The following C12orf54 variants were observed in gnomAD, a reference collection of about 807,000 sequenced individuals.
C12orf54 encodes the protein uncharacterized protein C12orf54.
A neutral mutation model predicts 26.4 loss-of-function variants in C12orf54; 24 were observed. That is an observed-to-expected ratio of 0.91 (90% CI 0.66 to 1.28). The LOEUF is 1.28. Among genes scored for constraint, C12orf54 ranks in the 50% most tolerant of loss-of-function variants. The pLI is 0.00. For missense variants in C12orf54, 154 were observed against 150.9 expected (o/e 1.02, Z -0.11); for synonymous variants, 54 against 47.0 (o/e 1.15, Z -0.61).
the C12orf54 span, among the ~76,000 whole-genome samples, chr12:48,450,648 A>G: frequency 5.3e-5 from 8 of 152,216 alleles, no homozygotes; most frequent in South Asian, 4.1e-4. Context: ...AGGGGATATT[A>G]CCACTGACCC....
the C12orf54 span, among the ~76,000 whole-genome samples, chr12:48,468,435 G>A: frequency 6.6e-6 from 1 of 152,154 alleles, no homozygotes; most frequent in Non-Finnish European, 1.5e-5. Context: ...ATGATGCAGA[G>A]GGAACACAGG....
the C12orf54 span, among the ~76,000 whole-genome samples, chr12:48,447,670 G>T: frequency 6.6e-6 from 1 of 151,972 alleles, no homozygotes. Context: ...TCTGCTACCC[G>T]TGGTAGCAGA....
chr12:48,418,900 A>G, the C12orf54 span, among the ~76,000 whole-genome samples: 5 of 150,604 alleles, frequency 3.3e-5, no homozygotes, highest in Non-Finnish European at 5.9e-5. Context: ...TGGTTGTAAG[A>G]AGGCACCTGC....
chr12:48,473,565 G>A, the C12orf54 span: 1 of 311,814 alleles, frequency 3.2e-6, no homozygotes. Context: ...ACTGGGGGTT[G>A]TGAGGGAAGG....
the C12orf54 span, among the ~76,000 whole-genome samples, chr12:48,416,389 G>C: frequency 1.3e-5 from 2 of 152,174 alleles, no homozygotes; most frequent in East Asian, 3.8e-4. Context: ...AGTTTCTTCT[G>C]TGCCAAAGCC....
chr12:48,483,471 C>G lies in C12orf54; in HGVS notation c.65+110C>G, dbSNP rs1264260328. On this transcript the variant is annotated intron_variant, in intron 2 of 8. Transcript: ENST00000548364. ...CTCTTCATTTGGCTTCACTTGCTTC[C>G]TGGCTGAATAAGATGGGGACTTTCA... 4 of 955,142 alleles carry G rather than the reference C, an allele frequency of 4.2e-6. No individual in the cohort carries two copies. The East Asian group carries it at 1.0e-4, about 24-fold the overall frequency. 59.2% of individuals were successfully genotyped at this position (955,142 alleles called of 1,614,324 possible).
At chr12:48,488,884 T>C (rs751228171) in intron 4 of C12orf54, 40 bp from the exon 5 acceptor site, 1 of 1,499,550 alleles carries the variant, frequency 6.7e-7, no homozygotes, top group Non-Finnish European at 9.3e-7. Context: ...AAAGTGATCA[T>C]CTACAATATT....
the C12orf54 span, among the ~76,000 whole-genome samples, chr12:48,414,710 G>A: frequency 1.3e-5 from 2 of 152,164 alleles, no homozygotes; most frequent in Admixed American, 6.5e-5. Flanking sequence ...TACTCATGGG[G>A]AAGGTAGTAT....
the C12orf54 span, among the ~76,000 whole-genome samples, chr12:48,424,403 T>C: frequency 6.6e-6 from 1 of 152,140 alleles, no homozygotes; most frequent in African/African-American, 2.4e-5. Flanking sequence ...ATTTGGTTTA[T>C]AATTAGTATT....
At chr12:48,422,669 A>G in the C12orf54 span, among the ~76,000 whole-genome samples, 1 of 152,320 alleles carries the variant, frequency 6.6e-6, no homozygotes, top group East Asian at 1.9e-4. Flanking sequence ...AAAAATTAAT[A>G]TTTCTTTGAA....
the C12orf54 span, among the ~76,000 whole-genome samples, chr12:48,456,017 C>T: frequency 0.011 from 1,646 of 152,262 alleles, 16 homozygotes; most frequent in Non-Finnish European, 0.015. Flanking sequence ...TATCTCATTT[C>T]TTCTCACAAA....
chr12:48,483,238 A>T lies in C12orf54; in HGVS notation c.-57-2A>T. 6.7e-7 allele frequency: 1 copy of T among 1,502,718 alleles called. No homozygotes were observed. The highest frequency in any genetic ancestry group is 9.2e-7 in the Non-Finnish European group (1 of 1,081,482). The allele number at this position is 1,502,718 out of a possible 1,614,324, so 93.1% of individuals were successfully genotyped here. A position where few individuals can be genotyped will look rare whatever the true frequency, so the allele number is the denominator to read the frequency against. On this transcript the variant is annotated splice_acceptor_variant, in intron 1 of 8. Coordinates refer to ENST00000548364, the MANE Select transcript of C12orf54 (RefSeq NM_152319.4). LOFTEE classifies it low-confidence loss of function (5UTR_SPLICE). ...TCCGCATATTCATTTATGCCTCTCC[A>T]GGGCCTGGAGCTATCTCCATCTTCA... is the stretch of plus-strand genomic sequence containing the variant.
At chr12:48,485,161 C>T (rs1592199383) in intron 2 of C12orf54, among the ~76,000 whole-genome samples, 1 of 152,250 alleles carries the variant, frequency 6.6e-6, no homozygotes, top group South Asian at 2.1e-4. Flanking sequence ...ACTGCAGCCT[C>T]GAACTCCTGG....
At chr12:48,466,138 T>TC in the C12orf54 span, among the ~76,000 whole-genome samples, 4 of 152,308 alleles carry the variant, frequency 2.6e-5, no homozygotes, top group South Asian at 8.3e-4. Context: ...ACATATATGA[T>TC]TAAGGAATTG....
the C12orf54 span, among the ~76,000 whole-genome samples, chr12:48,476,227 A>C: frequency 6.6e-6 from 1 of 152,204 alleles, no homozygotes. Context: ...GCCTGCCCTA[A>C]AAGAGCTCCT....
chr12:48,483,730 G>A (rs149526896), intron 2 of C12orf54, among the ~76,000 whole-genome samples: 160 of 152,290 alleles, frequency 1.1e-3, no homozygotes, highest in African/African-American at 3.7e-3. Context: ...GTGGAAAAGA[G>A]GGCTAGAATC....
At chr12:48,463,667 G>A in the C12orf54 span, among the ~76,000 whole-genome samples, 1 of 151,534 alleles carries the variant, frequency 6.6e-6, no homozygotes, top group African/African-American at 2.4e-5. Flanking sequence ...GAACATCAGT[G>A]CAAAAACTCT....
chr12:48,456,293 A>G, the C12orf54 span, among the ~76,000 whole-genome samples: 2 of 152,202 alleles, frequency 1.3e-5, no homozygotes, highest in Admixed American at 1.3e-4. Context: ...GTAATGCAGT[A>G]TAGTAAGTTA....
At chr12:48,422,576 G>C in the C12orf54 span, among the ~76,000 whole-genome samples, 5 of 152,016 alleles carry the variant, frequency 3.3e-5, no homozygotes, top group Non-Finnish European at 7.4e-5. Flanking sequence ...ACTAGAAATT[G>C]TTTGTCATAT....
Sources: allele counts gnomAD v4.1 joint callset (sites outside exome capture counted in the v4.1 genomes callset), GRCh38; gene constraint gnomAD v4.1.1; transcripts MANE v1.5; gene names NCBI Gene and HGNC (gene_info 2026-07-23, HGNC 2026-07-21).